The following EPSTI1 variants were observed in gnomAD, a reference collection of about 807,000 sequenced individuals.
The protein encoded by EPSTI1 is epithelial-stromal interaction protein 1.
EPSTI1 carries 66 observed loss-of-function variants against 49.9 expected under a neutral mutation model. That is an observed-to-expected ratio of 1.32 (90% confidence interval 1.08 to 1.62). The LOEUF (loss-of-function observed/expected upper bound fraction) is 1.62. Among genes scored for constraint, EPSTI1 ranks in the 40% most tolerant of loss-of-function variants. EPSTI1 has a pLI of 0.00. For missense variants in EPSTI1, 394 were observed against 365.5 expected (o/e 1.08, Z -0.64); for synonymous variants, 137 against 130.7 (o/e 1.05, Z -0.33).
At chr13:42,942,658 C>CTTTTTTTTTT (rs1161224574) in intron 6 of EPSTI1, among the ~76,000 whole-genome samples, 35 of 64,650 alleles carry the variant, frequency 5.4e-4, no homozygotes, top group African/African-American at 1.0e-3. Flanking sequence ...CCTGTTGATT[C>CTTTTTTTTTT]TTTTTTTTTT....
chr13:42,947,107 C>T (rs1462421176), intron 6 of EPSTI1, among the ~76,000 whole-genome samples: 3 of 152,138 alleles, frequency 2.0e-5, no homozygotes, highest in East Asian at 1.9e-4. Context: ...TAGACTCTTT[C>T]CACTTCCCCC....
At chr13:42,979,584 CAAAAAAAA>C (rs144646467) in intron 1 of EPSTI1, among the ~76,000 whole-genome samples, 1 of 81,048 alleles carries the variant, frequency 1.2e-5, no homozygotes, top group Non-Finnish European at 2.5e-5. Context: ...GACTCCGTCT[CAAAAAAAA>C]AAAAAAAAAA....
At chr13:42,911,165 A>G (rs969611980) in intron 8 of EPSTI1, among the ~76,000 whole-genome samples, 6 of 152,214 alleles carry the variant, frequency 3.9e-5, no homozygotes, top group African/African-American at 1.4e-4. Context: ...TTCATCAGCT[A>G]GAATTTTCCT....
intron 7 of EPSTI1, among the ~76,000 whole-genome samples, chr13:42,924,407 T>C (rs1328907132): frequency 6.6e-6 from 1 of 152,164 alleles, no homozygotes; most frequent in Non-Finnish European, 1.5e-5. Flanking sequence ...GATGACAATA[T>C]TAAAATTCAG....
intron 7 of EPSTI1, among the ~76,000 whole-genome samples, chr13:42,919,761 G>A (rs945529137): frequency 6.6e-6 from 1 of 152,222 alleles, no homozygotes; most frequent in Admixed American, 6.5e-5. Flanking sequence ...CAAAGAGTGA[G>A]TAGGAATCAG....
At chr13:42,963,724 A>G (rs1345632219) in intron 4 of EPSTI1, 7 of 302,448 alleles carry the variant, frequency 2.3e-5, no homozygotes, top group Non-Finnish European at 4.2e-5. Context: ...TTTTTGTACT[A>G]CTTCCATGAC....
At chr13:42,979,422 C>CAA (rs566009773) in intron 1 of EPSTI1, among the ~76,000 whole-genome samples, 3 of 148,176 alleles carry the variant, frequency 2.0e-5, no homozygotes, top group African/African-American at 7.4e-5. Flanking sequence ...ACTAAAAATA[C>CAA]AAAAAAAAAA....
intron 8 of EPSTI1, among the ~76,000 whole-genome samples, chr13:42,904,957 T>C (rs1190899195): frequency 4.6e-5 from 7 of 152,118 alleles, no homozygotes; most frequent in African/African-American, 1.4e-4. Context: ...TGCTTTACTA[T>C]CTTACATAGT....
At chr13:42,894,169 T>TTCTC (rs2037119962) in intron 10 of EPSTI1, among the ~76,000 whole-genome samples, 2 of 152,248 alleles carry the variant, frequency 1.3e-5, no homozygotes, top group African/African-American at 4.8e-5. Flanking sequence ...ACAGATTGAC[T>TTCTC]TCTCAAACAT....
rs150320490 is a variant in EPSTI1 at position 42,923,692 on chromosome 13, A to G, written c.657+2644T>C. 4.8e-3 allele frequency among the ~76,000 whole-genome samples: 738 copies of G among 152,364 alleles called. 1 individual carries two copies. The highest frequency in any genetic ancestry group is 7.8e-3 in the Non-Finnish European group (528 of 68,038). On this transcript the variant is annotated intron_variant, in intron 7 of 10. Coordinates refer to ENST00000313624, the MANE Select transcript of EPSTI1 (RefSeq NM_033255.5). ...TGCTGGTACTTCTGCCTACACACAC[A>G]ATACAGAGAACTATATTAATCCACA...
intron 6 of EPSTI1, among the ~76,000 whole-genome samples, chr13:42,935,824 C>A (rs1463943669): frequency 6.6e-6 from 1 of 152,098 alleles, no homozygotes; most frequent in South Asian, 2.1e-4. Flanking sequence ...GACTCCTGAC[C>A]TCAGTGATCC....
At chr13:42,907,596 G>A (rs899745740) in intron 8 of EPSTI1, among the ~76,000 whole-genome samples, 2 of 151,950 alleles carry the variant, frequency 1.3e-5, no homozygotes, top group Admixed American at 6.6e-5. Flanking sequence ...CAGTGTTTGT[G>A]GTATATATTG....
At chr13:42,909,096 A>AAATAAT (rs57943692) in intron 8 of EPSTI1, among the ~76,000 whole-genome samples, 86,488 of 150,092 alleles carry the variant, frequency 0.58, 25,383 homozygotes, top group Middle Eastern at 0.67. Flanking sequence ...TCCATCTCAA[A>AAATAAT]AATAATAACA....
intron 5 of EPSTI1, among the ~76,000 whole-genome samples, chr13:42,957,733 A>C (rs1457541070): frequency 3.3e-5 from 5 of 152,008 alleles, no homozygotes; most frequent in Admixed American, 3.3e-4. Flanking sequence ...GTACCACCAC[A>C]CCTGGCTAAT....
intron 2 of EPSTI1, chr13:42,969,412 A>T: frequency 2.2e-6 from 1 of 464,690 alleles, no homozygotes; most frequent in Non-Finnish European, 3.8e-6. Flanking sequence ...AATTTGAAAA[A>T]CCACCTGGGC....
At chr13:42,923,289 G>A (rs368361226) in intron 7 of EPSTI1, among the ~76,000 whole-genome samples, 143 of 152,252 alleles carry the variant, frequency 9.4e-4, no homozygotes, top group African/African-American at 2.3e-3. Flanking sequence ...GGCCGGGTGC[G>A]GTGGCTCACA....
At chr13:42,938,835 A>C (rs2038651298) in intron 6 of EPSTI1, among the ~76,000 whole-genome samples, 1 of 140,416 alleles carries the variant, frequency 7.1e-6, no homozygotes, top group Admixed American at 8.0e-5. Flanking sequence ...GAATCACTCG[A>C]ACCTGGGAGG....
At chr13:42,980,932 T>C (rs2039976170) in intron 1 of EPSTI1, among the ~76,000 whole-genome samples, 2 of 152,236 alleles carry the variant, frequency 1.3e-5, no homozygotes, top group Admixed American at 1.3e-4. Flanking sequence ...ATATTTAATA[T>C]AAAGATTTCT....
In EPSTI1 at chr13:42,887,802, G is replaced by GAGAT. The variant is rs1338723192; in HGVS notation, c.*688_*691dup. ...GTGTATACAAACATTGGCCTTTCTG[G>GAGAT]AGATAAACTGTCCCCCTCTGAAAAT... On this transcript the variant is annotated 3_prime_UTR_variant, in exon 11 of 11. Transcript: ENST00000313624. 6 of 153,182 alleles carry GAGAT rather than the reference G, an allele frequency of 3.9e-5. No homozygotes were observed. Among genetic ancestry groups the GAGAT allele is most frequent in the African/African-American group, 1.2e-4 (5 of 41,570 alleles). 9.5% of individuals were successfully genotyped at this position (153,182 alleles called of 1,614,324 possible). A position where few individuals can be genotyped will look rare whatever the true frequency, so the allele number is the denominator to read the frequency against.
Sources: allele counts gnomAD v4.1 joint callset (sites outside exome capture counted in the v4.1 genomes callset), GRCh38; gene constraint gnomAD v4.1.1; transcripts MANE v1.5; gene names NCBI Gene and HGNC (gene_info 2026-07-23, HGNC 2026-07-21).